ADAMTSL1: variants seen among roughly 807,000 people sequenced by gnomAD.
ADAMTSL1 encodes the protein ADAMTS like 1, also known as ADAMTS-like protein 1.
In ADAMTSL1, 126 loss-of-function variants were observed where a neutral mutation model predicts 201.8. That is an observed-to-expected ratio of 0.62 (90% CI 0.54 to 0.72). ADAMTSL1 has a LOEUF of 0.72. ADAMTSL1 is among the 30% of genes least tolerant of loss of function. ADAMTSL1 has a pLI of 0.00. For missense variants in ADAMTSL1, 2,679 were observed against 2,277.8 expected, an observed-to-expected ratio of 1.18 and a Z score of -3.59; for synonymous variants, 1,121 against 903.4, an observed-to-expected ratio of 1.24 and a Z score of -4.32.
Position 18,041,863 on chromosome 9 carries a change from T to A in ADAMTSL1, c.88-121999T>A, listed in dbSNP as rs556265266. On this transcript the variant is annotated intron_variant, in intron 1 of 29. Coordinates refer to the ADAMTSL1 transcript ENST00000680146. Reference sequence around the variant, plus strand: ...CTTCAACAGAGTAGTACATACTTTATGTCTTTGCTATTCATACATCTGATT... The same window carrying A: ...CTTCAACAGAGTAGTACATACTTTAAGTCTTTGCTATTCATACATCTGATT... Among the ~76,000 whole-genome samples the A allele has an allele frequency of 9.9e-5, 15 of 152,274 alleles. No homozygotes were observed. In the South Asian group the frequency reaches 3.1e-3, roughly 32 times the overall value.
intron 3 of ADAMTSL1, among the ~76,000 whole-genome samples, chr9:18,547,496 T>G (rs972498734): frequency 2.6e-5 from 4 of 151,906 alleles, no homozygotes; most frequent in African/African-American, 9.7e-5. Context: ...AAGCAAAGAT[T>G]GGCAGTAGCT....
intron 3 of ADAMTSL1, among the ~76,000 whole-genome samples, chr9:18,549,289 C>A (rs974787279): frequency 6.6e-6 from 1 of 151,896 alleles, no homozygotes; most frequent in Non-Finnish European, 1.5e-5. Flanking sequence ...ACTTCTCAGT[C>A]ATAATGGAGT....
intron 1 of ADAMTSL1, among the ~76,000 whole-genome samples, chr9:18,003,090 T>C (rs954229882): frequency 1.3e-5 from 2 of 151,998 alleles, no homozygotes; most frequent in Non-Finnish European, 2.9e-5. Context: ...GGTGACTTTA[T>C]ACTAGAGAAT....
chr9:18,096,531 G>A (rs1284002547), intron 1 of ADAMTSL1, among the ~76,000 whole-genome samples: 1 of 152,126 alleles, frequency 6.6e-6, no homozygotes, highest in Non-Finnish European at 1.5e-5. Flanking sequence ...CTGCCATATT[G>A]GATAGTGCAC....
At chr9:18,488,920 C>T (rs1415518525) in intron 1 of ADAMTSL1, among the ~76,000 whole-genome samples, 1 of 152,100 alleles carries the variant, frequency 6.6e-6, no homozygotes, top group Non-Finnish European at 1.5e-5. Flanking sequence ...AAGTCTAAGA[C>T]AGAATAAAGA....
At chr9:18,720,619 C>G (rs1055265391) in intron 14 of ADAMTSL1, among the ~76,000 whole-genome samples, 1 of 152,036 alleles carries the variant, frequency 6.6e-6, no homozygotes. Context: ...CCCATCTCTA[C>G]TAAGAATACA....
At chr9:18,756,641 C>G (rs1200007534) in intron 16 of ADAMTSL1, among the ~76,000 whole-genome samples, 1 of 152,202 alleles carries the variant, frequency 6.6e-6, no homozygotes, top group Admixed American at 6.5e-5. Flanking sequence ...TTCCATTTAG[C>G]AAGGATCTGC....
chr9:18,859,080 T>G (rs1827042905), intron 23 of ADAMTSL1, among the ~76,000 whole-genome samples: 1 of 152,238 alleles, frequency 6.6e-6, no homozygotes, highest in African/African-American at 2.4e-5. Context: ...TTGTGAAATC[T>G]GTATTAACTT....
chr9:18,215,101 G>A (rs1830014291), intron 2 of ADAMTSL1, among the ~76,000 whole-genome samples: 2 of 152,086 alleles, frequency 1.3e-5, no homozygotes, highest in South Asian at 4.1e-4. Flanking sequence ...GATTGGAATG[G>A]TTAAATTAAA....
At chr9:18,426,836 A>G (rs1202551660) in intron 2 of ADAMTSL1, among the ~76,000 whole-genome samples, 7 of 152,180 alleles carry the variant, frequency 4.6e-5, no homozygotes, top group Non-Finnish European at 8.8e-5. Context: ...GAAACGAACA[A>G]CCTTATACAC....
chr9:18,888,809 T>A (rs563168880), intron 24 of ADAMTSL1, among the ~76,000 whole-genome samples: 1 of 152,166 alleles, frequency 6.6e-6, no homozygotes, highest in African/African-American at 2.4e-5. Flanking sequence ...AGGAGGGAAA[T>A]TTTTCTAAGC....
intron 2 of ADAMTSL1, among the ~76,000 whole-genome samples, chr9:18,371,838 A>T (rs367929586): frequency 2.0e-5 from 3 of 152,166 alleles, no homozygotes; most frequent in Non-Finnish European, 2.9e-5. Context: ...AAGGGTAGAT[A>T]TGTTACATAA....
chr9:17,979,969 C>T (rs982717301), intron 1 of ADAMTSL1, among the ~76,000 whole-genome samples: 28 of 151,968 alleles, frequency 1.8e-4, no homozygotes, highest in African/African-American at 4.3e-4. Flanking sequence ...AGCTTGGAAC[C>T]GTGGAAACCA....
At chr9:18,634,040 C>G (rs1826947813) in intron 5 of ADAMTSL1, among the ~76,000 whole-genome samples, 1 of 152,016 alleles carries the variant, frequency 6.6e-6, no homozygotes, top group Admixed American at 6.6e-5. Flanking sequence ...ATATTTATAT[C>G]TAGTCACGAC....
intron 10 of ADAMTSL1, among the ~76,000 whole-genome samples, chr9:18,676,720 G>C (rs2133134760): frequency 6.6e-6 from 1 of 152,176 alleles, no homozygotes; most frequent in African/African-American, 2.4e-5. Context: ...CAGGGAGTCA[G>C]CTGCTATTTA....
intron 2 of ADAMTSL1, among the ~76,000 whole-genome samples, chr9:18,192,423 A>T (rs946763540): frequency 2.0e-5 from 3 of 152,176 alleles, no homozygotes; most frequent in Non-Finnish European, 4.4e-5. Context: ...GATCAAATGT[A>T]ACACAACTTG....
intron 2 of ADAMTSL1, among the ~76,000 whole-genome samples, chr9:18,428,184 G>A (rs1587172115): frequency 6.6e-6 from 1 of 152,118 alleles, no homozygotes; most frequent in African/African-American, 2.4e-5. Flanking sequence ...GTTTGGCATT[G>A]TATTTGGCCT....
chr9:18,852,590 G>T (rs1826564965), intron 23 of ADAMTSL1, among the ~76,000 whole-genome samples: 1 of 152,100 alleles, frequency 6.6e-6, no homozygotes, highest in South Asian at 2.1e-4. Context: ...TAACTTTTTA[G>T]TTGAGTTCTC....
At chr9:18,481,919 T>G (rs1022673848) in intron 1 of ADAMTSL1, among the ~76,000 whole-genome samples, 3 of 152,180 alleles carry the variant, frequency 2.0e-5, no homozygotes, top group African/African-American at 7.2e-5. Flanking sequence ...CCACTATCAC[T>G]GGGGAACCTG....
Sources: allele counts gnomAD v4.1 joint callset (sites outside exome capture counted in the v4.1 genomes callset), GRCh38; gene constraint gnomAD v4.1.1; transcripts MANE v1.5; gene names NCBI Gene and HGNC (gene_info 2026-07-23, HGNC 2026-07-21).